The following GABRB3 variants were observed in gnomAD, a reference collection of about 807,000 sequenced individuals.
GABRB3 encodes the protein gamma-aminobutyric acid type A receptor subunit beta3, also known as gamma-aminobutyric acid receptor subunit beta-3.
In GABRB3, 14 loss-of-function variants were observed where a neutral mutation model predicts 52.1. That is an observed-to-expected ratio of 0.27 (90% CI 0.18 to 0.42). The LOEUF (loss-of-function observed/expected upper bound fraction) is 0.42, where lower values mean the gene tolerates loss of function less well. Among genes scored for constraint, GABRB3 ranks in the 10% least tolerant of loss-of-function variants. The pLI is 1.00. For missense variants in GABRB3, 307 were observed against 609.1 expected (o/e 0.50, Z 5.22); for synonymous variants, 260 against 232.3 (o/e 1.12, Z -1.08).
At chr15:26,705,129 A>G (rs1889057965) in intron 3 of GABRB3, among the ~76,000 whole-genome samples, 1 of 152,196 alleles carries the variant, frequency 6.6e-6, no homozygotes, top group Non-Finnish European at 1.5e-5. Context: ...ATTTATAACG[A>G]GCAGAAATGT....
chr15:26,573,077 G>A (rs1056361398), intron 6 of GABRB3, among the ~76,000 whole-genome samples: 5 of 152,282 alleles, frequency 3.3e-5, no homozygotes, highest in African/African-American at 1.2e-4. Flanking sequence ...CCACTCAAAT[G>A]CATCTGTGAA....
At chr15:26,581,434 T>A (rs1412383285) in intron 5 of GABRB3, among the ~76,000 whole-genome samples, 1 of 152,202 alleles carries the variant, frequency 6.6e-6, no homozygotes, top group Non-Finnish European at 1.5e-5. Flanking sequence ...CTCCTCTCTT[T>A]AATAAAACAT....
At chr15:26,642,391 GAAT>G (rs943170977) in intron 3 of GABRB3, 1 of 973,114 alleles carries the variant, frequency 1.0e-6, no homozygotes, top group Non-Finnish European at 1.4e-6. Flanking sequence ...CCAATCCCCT[GAAT>G]ATACTGAGGG....
chr15:26,659,118 A>C (rs1033716935), intron 3 of GABRB3, among the ~76,000 whole-genome samples: 29 of 152,124 alleles, frequency 1.9e-4, no homozygotes, highest in Non-Finnish European at 3.1e-4. Flanking sequence ...GGGGCCTGGG[A>C]GGTTGTTGGA....
chr15:26,758,680 G>T (rs530488817), intron 3 of GABRB3, among the ~76,000 whole-genome samples: 9 of 152,064 alleles, frequency 5.9e-5, no homozygotes, highest in Non-Finnish European at 8.8e-5. Flanking sequence ...TCTACCCCAG[G>T]TGTGCTAATT....
intron 4 of GABRB3, among the ~76,000 whole-genome samples, chr15:26,616,594 A>G (rs1395100789): frequency 7.0e-6 from 1 of 142,556 alleles, no homozygotes; most frequent in Non-Finnish European, 1.5e-5. Context: ...GTATACCTAT[A>G]CTACACTTGA....
At chr15:26,630,825 C>T (rs903441730) in intron 3 of GABRB3, among the ~76,000 whole-genome samples, 8 of 152,166 alleles carry the variant, frequency 5.3e-5, no homozygotes, top group African/African-American at 1.7e-4. Context: ...TCATGGGATG[C>T]GTGTTTTACA....
intron 4 of GABRB3, among the ~76,000 whole-genome samples, chr15:26,605,419 C>T (rs1002672711): frequency 1.3e-5 from 2 of 152,060 alleles, no homozygotes; most frequent in East Asian, 3.9e-4. Flanking sequence ...CGGTATACAC[C>T]CAACAGGTGA....
At chr15:26,698,676 G>A (rs1448352854) in intron 3 of GABRB3, among the ~76,000 whole-genome samples, 2 of 152,194 alleles carry the variant, frequency 1.3e-5, no homozygotes, top group South Asian at 4.1e-4. Flanking sequence ...TGGGAGATGA[G>A]CGATATTTAT....
intron 3 of GABRB3, among the ~76,000 whole-genome samples, chr15:26,630,361 G>A (rs1231039912): frequency 6.6e-6 from 1 of 152,226 alleles, no homozygotes; most frequent in East Asian, 1.9e-4. Context: ...CAGGCAGTGA[G>A]GAGGAAAACA....
At chr15:26,580,605 GAACT>G in intron 5 of GABRB3, 149 bp from the exon 6 acceptor site, 1 of 1,005,366 alleles carries the variant, frequency 9.9e-7, no homozygotes, top group Non-Finnish European at 1.5e-6. Context: ...TGTCATCAAA[GAACT>G]AACTTTCCAA....
intron 3 of GABRB3, among the ~76,000 whole-genome samples, chr15:26,710,803 G>C (rs986931211): frequency 1.3e-5 from 2 of 151,770 alleles, no homozygotes; most frequent in African/African-American, 4.8e-5. Flanking sequence ...AGCTATAAAC[G>C]TTTTTTCTAT....
chr15:26,731,356 T>C (rs1889907334), intron 3 of GABRB3, among the ~76,000 whole-genome samples: 1 of 152,228 alleles, frequency 6.6e-6, no homozygotes, highest in African/African-American at 2.4e-5. Context: ...TTTCATTGTA[T>C]ACAGTTCTTG....
At position 26,546,214 on chromosome 15, in the gene GABRB3, A is replaced by G. The variant is rs1382415249; in HGVS notation, c.*1579T>C. The G allele has an allele frequency of 6.6e-6, 1 of 152,578 alleles. No individual in the cohort carries two copies. Among genetic ancestry groups the G allele is most frequent in the Non-Finnish European group, 1.5e-5 (1 of 68,030 alleles). The allele number at this position is 152,578 out of a possible 1,614,324, so 9.5% of individuals were successfully genotyped here. The stretch of plus-strand genomic sequence containing the variant: ...TTTTATTTTTTTCTCCAAATGCTCA[A>G]CTTCACTGTGACACCTGTTTGCACA... On this transcript the variant is annotated 3_prime_UTR_variant, in exon 9 of 9. Coordinates refer to ENST00000311550, the MANE Select transcript of GABRB3 (RefSeq NM_000814.6).
At chr15:26,619,726 T>A (rs1892402823) in intron 4 of GABRB3, among the ~76,000 whole-genome samples, 1 of 151,850 alleles carries the variant, frequency 6.6e-6, no homozygotes, top group South Asian at 2.1e-4. Flanking sequence ...TGGAGAAAAC[T>A]GAAATAGCAT....
At chr15:26,591,155 A>G (rs1197460212) in intron 4 of GABRB3, among the ~76,000 whole-genome samples, 2 of 152,046 alleles carry the variant, frequency 1.3e-5, no homozygotes, top group Non-Finnish European at 2.9e-5. Flanking sequence ...CTCATTAACA[A>G]CCCAGACACA....
chr15:26,692,367 T>A (rs1888614158), intron 3 of GABRB3, among the ~76,000 whole-genome samples: 1 of 152,160 alleles, frequency 6.6e-6, no homozygotes, highest in Non-Finnish European at 1.5e-5. Flanking sequence ...CTTTTCTTGG[T>A]GGCAGCAGAA....
chr15:26,595,586 T>G (rs1351541017), intron 4 of GABRB3, among the ~76,000 whole-genome samples: 1 of 152,172 alleles, frequency 6.6e-6, no homozygotes, highest in Non-Finnish European at 1.5e-5. Flanking sequence ...TTTTGATGTT[T>G]TTGTGAGGGG....
chr15:26,640,254 A>G (rs1893164708), intron 3 of GABRB3, among the ~76,000 whole-genome samples: 1 of 152,188 alleles, frequency 6.6e-6, no homozygotes, highest in Non-Finnish European at 1.5e-5. Context: ...GCGGTGGCTC[A>G]TGCCTGTAAT....
Sources: allele counts gnomAD v4.1 joint callset (sites outside exome capture counted in the v4.1 genomes callset), GRCh38; gene constraint gnomAD v4.1.1; transcripts MANE v1.5; gene names NCBI Gene and HGNC (gene_info 2026-07-23, HGNC 2026-07-21).